The following NFIA variants were observed in gnomAD, a reference collection of about 807,000 sequenced individuals.
The protein encoded by NFIA is nuclear factor 1 A-type.
In NFIA, 8 loss-of-function variants were observed where a neutral mutation model predicts 62.8. The ratio of observed to expected loss-of-function variants is 0.13; its 90% CI spans 0.07 to 0.23. The LOEUF (loss-of-function observed/expected upper bound fraction) is 0.23. NFIA is among the 10% of genes least tolerant of loss of function. NFIA has a pLI of 1.00. For synonymous variants in NFIA, 235 were observed against 238.1 expected, an observed-to-expected ratio of 0.99 and a Z score of 0.12; for missense variants, 410 against 642.1, an observed-to-expected ratio of 0.64 and a Z score of 3.91.
rs1386417729 is a variant in NFIA at position 61,094,822 on chromosome 1, A to C, written c.559+6142A>C. Among the ~76,000 whole-genome samples, 4 of 152,220 alleles carry C rather than the reference A, an allele frequency of 2.6e-5. No homozygotes were observed. In the East Asian group the frequency reaches 7.7e-4, roughly 29 times the overall value. ...TTGTTTTAACTCCACAGCGTAAAGC[A>C]TATTTTATCTAATGGAATTAGTCCT... On this transcript the variant is annotated intron_variant, in intron 2 of 10. Coordinates refer to ENST00000403491, the MANE Select transcript of NFIA (RefSeq NM_001134673.4).
At chr1:61,356,247 A>T (rs1207694654) in intron 5 of NFIA, among the ~76,000 whole-genome samples, 1 of 152,212 alleles carries the variant, frequency 6.6e-6, no homozygotes, top group African/African-American at 2.4e-5. Context: ...ATTTTCCCTG[A>T]AGATCTTACA....
At chr1:61,143,215 G>A (rs1221636818) in intron 2 of NFIA, among the ~76,000 whole-genome samples, 1 of 152,098 alleles carries the variant, frequency 6.6e-6, no homozygotes, top group Non-Finnish European at 1.5e-5. Flanking sequence ...CACAGTCAGT[G>A]GCATGCTCAG....
chr1:61,299,007 C>T (rs1157497990), intron 3 of NFIA, among the ~76,000 whole-genome samples: 1 of 152,106 alleles, frequency 6.6e-6, no homozygotes, highest in Non-Finnish European at 1.5e-5. Context: ...TTTTTGAGAC[C>T]TGAACTTATG....
intron 2 of NFIA, among the ~76,000 whole-genome samples, chr1:61,188,777 T>C (rs1651392390): frequency 6.6e-6 from 1 of 152,222 alleles, no homozygotes; most frequent in Non-Finnish European, 1.5e-5. Flanking sequence ...TACTCTTAAC[T>C]GTTGCTACCA....
intron 7 of NFIA, among the ~76,000 whole-genome samples, chr1:61,394,236 C>T (rs904858816): frequency 5.9e-5 from 9 of 152,326 alleles, no homozygotes; most frequent in African/African-American, 1.9e-4. Context: ...TGCAGTGGCA[C>T]GATCTTGGCT....
chr1:61,201,751 C>T (rs549488284), intron 2 of NFIA, among the ~76,000 whole-genome samples: 1 of 151,916 alleles, frequency 6.6e-6, no homozygotes, highest in Non-Finnish European at 1.5e-5. Flanking sequence ...TCTCCTTTCA[C>T]GAGAGCATTT....
chr1:61,291,427 G>A (rs1002586290), intron 3 of NFIA, among the ~76,000 whole-genome samples: 1 of 152,118 alleles, frequency 6.6e-6, no homozygotes, highest in African/African-American at 2.4e-5. Context: ...TTTGAGTTTT[G>A]GACTCTGATC....
chr1:61,319,343 C>G (rs1425725948), intron 3 of NFIA, among the ~76,000 whole-genome samples: 1 of 152,102 alleles, frequency 6.6e-6, no homozygotes, highest in Non-Finnish European at 1.5e-5. Flanking sequence ...TAGCAGGAAT[C>G]TTCCATTACA....
intron 2 of NFIA, among the ~76,000 whole-genome samples, chr1:61,239,048 G>A (rs905899930): frequency 6.6e-6 from 1 of 151,998 alleles, no homozygotes; most frequent in Non-Finnish European, 1.5e-5. Context: ...TTTCATTAAT[G>A]AATATTTTAA....
chr1:61,097,737 G>A (rs1040434441), intron 2 of NFIA, among the ~76,000 whole-genome samples: 3 of 152,170 alleles, frequency 2.0e-5, no homozygotes, highest in Admixed American at 1.3e-4. Context: ...TGTCCTGTCA[G>A]ATGCACTTAG....
intron 2 of NFIA, among the ~76,000 whole-genome samples, chr1:61,095,063 A>T (rs1183372301): frequency 6.6e-6 from 1 of 152,236 alleles, no homozygotes; most frequent in African/African-American, 2.4e-5. Context: ...CTAAAACAAG[A>T]AATGATGAGG....
intron 2 of NFIA, among the ~76,000 whole-genome samples, chr1:61,208,115 CT>C (rs933885723): frequency 6.6e-6 from 1 of 150,634 alleles, no homozygotes; most frequent in African/African-American, 2.4e-5. Context: ...CAAGTGCTTT[CT>C]TTCTTTAATA....
chr1:61,114,961 TTTG>T (rs897739196), intron 2 of NFIA, among the ~76,000 whole-genome samples: 6 of 152,110 alleles, frequency 3.9e-5, no homozygotes, highest in Non-Finnish European at 7.4e-5. Context: ...TATATATATA[TTTG>T]TTGTTGTTTG....
At position 61,455,330 on chromosome 1, in the gene NFIA, C is replaced by T. The variant is rs752885771; in HGVS notation, c.*10C>T. ...CTGGTACCTGGGATAAAAGTTGCAGCGTCCCACCATCCACCAGACAGACCA... is the reference window on the plus strand; with the variant it reads ...CTGGTACCTGGGATAAAAGTTGCAGTGTCCCACCATCCACCAGACAGACCA... On this transcript the variant is annotated 3_prime_UTR_variant, in exon 11 of 11. Transcript: ENST00000403491. The T allele has an allele frequency of 8.7e-6, 14 of 1,613,958 alleles. No individual in the cohort carries two copies. Among genetic ancestry groups the T allele is most frequent in the African/African-American group, 2.7e-5 (2 of 74,902 alleles).
At chr1:61,452,254 A>AATTATT (rs57519983) in intron 10 of NFIA, among the ~76,000 whole-genome samples, 5,115 of 148,142 alleles carry the variant, frequency 0.035, 124 homozygotes, top group Admixed American at 0.069. Context: ...GAGATGTATG[A>AATTATT]ATTATTATTA....
At chr1:61,371,154 T>C (rs1026789911) in intron 6 of NFIA, among the ~76,000 whole-genome samples, 6 of 152,164 alleles carry the variant, frequency 3.9e-5, no homozygotes, top group Admixed American at 2.0e-4. Context: ...ACACCCCTCA[T>C]GTCTTAACAC....
At chr1:61,146,497 G>A (rs149144078) in intron 2 of NFIA, among the ~76,000 whole-genome samples, 36 of 152,292 alleles carry the variant, frequency 2.4e-4, no homozygotes, top group African/African-American at 8.2e-4. Flanking sequence ...ACTTGGCAGA[G>A]CCTAATTATA....
At chr1:61,083,910 C>T (rs1472837279) in intron 1 of NFIA, among the ~76,000 whole-genome samples, 1 of 152,160 alleles carries the variant, frequency 6.6e-6, no homozygotes, top group Admixed American at 6.5e-5. Context: ...CTGTCCATTC[C>T]TCCCTTGTCT....
At chr1:61,135,844 T>C (rs533522362) in intron 2 of NFIA, among the ~76,000 whole-genome samples, 1 of 152,342 alleles carries the variant, frequency 6.6e-6, no homozygotes, top group African/African-American at 2.4e-5. Flanking sequence ...GTTTCGTCTA[T>C]GTGCCATCCT....
Sources: allele counts gnomAD v4.1 joint callset (sites outside exome capture counted in the v4.1 genomes callset), GRCh38; gene constraint gnomAD v4.1.1; transcripts MANE v1.5; gene names NCBI Gene and HGNC (gene_info 2026-07-23, HGNC 2026-07-21).